The following PARD3 variants were observed in gnomAD, a reference collection of about 807,000 sequenced individuals.
The protein encoded by PARD3 is partitioning defective 3 homolog.
A neutral mutation model predicts 155.4 loss-of-function variants in PARD3; 75 were observed. The ratio of observed to expected loss-of-function variants is 0.48; its 90% CI spans 0.40 to 0.58. PARD3 has a LOEUF of 0.58. PARD3 is among the 20% of genes least tolerant of loss of function. The probability of loss-of-function intolerance (pLI) is 0.00; values close to 1 mark genes in which losing one functional copy is unlikely to be tolerated. For synonymous variants in PARD3, 576 were observed against 610.5 expected (o/e 0.94, Z 0.83); for missense variants, 1,642 against 1,721.7 (o/e 0.95, Z 0.82).
chr10:34,700,092 T>A (rs762980036), intron 1 of PARD3, among the ~76,000 whole-genome samples: 5 of 151,958 alleles, frequency 3.3e-5, no homozygotes, highest in African/African-American at 4.8e-5. Context: ...CAAAAGTCCA[T>A]CACACACAGC....
At chr10:34,150,664 G>C (rs1250784645) in intron 22 of PARD3, among the ~76,000 whole-genome samples, 1 of 152,112 alleles carries the variant, frequency 6.6e-6, no homozygotes, top group Non-Finnish European at 1.5e-5. Flanking sequence ...CCTCCAGCTG[G>C]GCCTCAGGCT....
chr10:34,347,634 TC>T (rs1457344250), intron 15 of PARD3, among the ~76,000 whole-genome samples: 3 of 152,242 alleles, frequency 2.0e-5, no homozygotes, highest in African/African-American at 7.2e-5. Context: ...AATTTTGATT[TC>T]TTTTTAAACA....
At chr10:34,321,602 AAAG>A (rs1175109853) in intron 19 of PARD3, among the ~76,000 whole-genome samples, 5 of 152,158 alleles carry the variant, frequency 3.3e-5, no homozygotes, top group African/African-American at 1.2e-4. Context: ...TTCTTTTTTT[AAAG>A]AAGGTGTAGC....
chr10:34,717,364 T>C (rs1351663962), intron 1 of PARD3, among the ~76,000 whole-genome samples: 1 of 152,132 alleles, frequency 6.6e-6, no homozygotes, highest in African/African-American at 2.4e-5. Flanking sequence ...TTCCCACAAG[T>C]AGAAATAAAA....
chr10:34,216,530 G>T (rs907759761), intron 22 of PARD3, among the ~76,000 whole-genome samples: 1 of 152,188 alleles, frequency 6.6e-6, no homozygotes, highest in Admixed American at 6.5e-5. Flanking sequence ...TGCTGGCAGA[G>T]ACAGGAAACT....
At chr10:34,194,714 TGTAA>T (rs1564471690) in intron 22 of PARD3, among the ~76,000 whole-genome samples, 1 of 151,576 alleles carries the variant, frequency 6.6e-6, no homozygotes. Context: ...AGATGAAATG[TGTAA>T]GTTATTATTC....
chr10:34,252,186 C>G (rs928432368), intron 22 of PARD3, among the ~76,000 whole-genome samples: 1 of 152,090 alleles, frequency 6.6e-6, no homozygotes, highest in African/African-American at 2.4e-5. Context: ...CCAGTCACTG[C>G]GTGGTGGTGC....
intron 1 of PARD3, among the ~76,000 whole-genome samples, chr10:34,707,108 T>C (rs2094375473): frequency 6.6e-6 from 1 of 151,752 alleles, no homozygotes; most frequent in Non-Finnish European, 1.5e-5. Flanking sequence ...TAGCCAGGTG[T>C]GGTAGTGCGC....
At chr10:34,667,804 A>G (rs1344465696) in intron 2 of PARD3, among the ~76,000 whole-genome samples, 1 of 152,228 alleles carries the variant, frequency 6.6e-6, no homozygotes, top group Non-Finnish European at 1.5e-5. Context: ...TAAATTCCAC[A>G]AGAAACAAAT....
At chr10:34,484,517 TTTGTTGTTGTTGTTTG>T (rs2079308541) in intron 3 of PARD3, among the ~76,000 whole-genome samples, 1 of 152,264 alleles carries the variant, frequency 6.6e-6, no homozygotes, top group South Asian at 2.1e-4. Flanking sequence ...TAACATAGTT[TTTGTTGTTGTTGTTTG>T]TTGTTGTTGT....
chr10:34,479,939 C>A (rs949110044), intron 3 of PARD3, among the ~76,000 whole-genome samples: 2 of 152,222 alleles, frequency 1.3e-5, no homozygotes, highest in African/African-American at 4.8e-5. Context: ...GTGCCCTCTG[C>A]TCACATGAGG....
At chr10:34,798,658 T>G (rs1842548625) in intron 1 of PARD3, among the ~76,000 whole-genome samples, 1 of 133,948 alleles carries the variant, frequency 7.5e-6, no homozygotes, top group African/African-American at 3.0e-5. Context: ...TGAGCCGAGA[T>G]GTCGCCATTG....
intron 3 of PARD3, among the ~76,000 whole-genome samples, chr10:34,505,123 TG>T (rs1393679828): frequency 1.3e-5 from 2 of 152,260 alleles, no homozygotes. Flanking sequence ...ATTTTCTCCA[TG>T]TAACACACGT....
chr10:34,697,758 G>A (rs2094200408), intron 1 of PARD3, among the ~76,000 whole-genome samples: 1 of 89,480 alleles, frequency 1.1e-5, no homozygotes, highest in South Asian at 3.4e-4. Context: ...GAGTAAGTTT[G>A]TAAAACAAAC....
At chr10:34,554,641 A>G (rs1216075994) in intron 2 of PARD3, among the ~76,000 whole-genome samples, 1 of 152,242 alleles carries the variant, frequency 6.6e-6, no homozygotes, top group Non-Finnish European at 1.5e-5. Context: ...TAGAAATACA[A>G]AGAAACTTAA....
At chr10:34,555,220 G>A (rs909625869) in intron 2 of PARD3, among the ~76,000 whole-genome samples, 1 of 152,172 alleles carries the variant, frequency 6.6e-6, no homozygotes, top group African/African-American at 2.4e-5. Flanking sequence ...GTGGGGGAAA[G>A]GGATATAAGG....
chr10:34,591,789 CG>C (rs904421335), intron 2 of PARD3, among the ~76,000 whole-genome samples: 3 of 152,206 alleles, frequency 2.0e-5, no homozygotes, highest in East Asian at 3.9e-4. Flanking sequence ...CAAGCTAAGC[CG>C]GGGGAGTTTC....
At chr10:34,490,029 T>C (rs1329840024) in intron 3 of PARD3, among the ~76,000 whole-genome samples, 1 of 152,134 alleles carries the variant, frequency 6.6e-6, no homozygotes, top group Non-Finnish European at 1.5e-5. Context: ...ATGCATGAAA[T>C]CCAGGAACAC....
chr10:34,254,185 G>C (rs781684162), intron 22 of PARD3, among the ~76,000 whole-genome samples: 1 of 152,176 alleles, frequency 6.6e-6, no homozygotes, highest in Non-Finnish European at 1.5e-5. Context: ...TTCGAGACCA[G>C]CCTGGCCAAC....
Sources: allele counts gnomAD v4.1 joint callset (sites outside exome capture counted in the v4.1 genomes callset), GRCh38; gene constraint gnomAD v4.1.1; transcripts MANE v1.5; gene names NCBI Gene and HGNC (gene_info 2026-07-23, HGNC 2026-07-21).